The following CDKAL1 variants were observed in gnomAD, a reference collection of about 807,000 sequenced individuals.
CDKAL1 encodes CDKAL1 threonylcarbamoyladenosine tRNA methylthiotransferase.
CDKAL1 carries 32 observed loss-of-function variants against 68.2 expected under a neutral mutation model. That is an observed-to-expected ratio of 0.47 (90% CI 0.35 to 0.63). The LOEUF is 0.63. Among genes scored for constraint, CDKAL1 ranks in the 30% least tolerant of loss-of-function variants. The pLI is 0.00. For missense variants in CDKAL1, 606 were observed against 696.7 expected (o/e 0.87, Z 1.47); for synonymous variants, 234 against 244.3 (o/e 0.96, Z 0.39).
At chr6:20,986,798 A>G (rs1048790555) in intron 10 of CDKAL1, among the ~76,000 whole-genome samples, 1 of 152,210 alleles carries the variant, frequency 6.6e-6, no homozygotes, top group Non-Finnish European at 1.5e-5. Flanking sequence ...TATTTTATAA[A>G]ATATGCAGCC....
At chr6:20,752,193 A>G (rs1426307938) in intron 6 of CDKAL1, among the ~76,000 whole-genome samples, 1 of 151,872 alleles carries the variant, frequency 6.6e-6, no homozygotes, top group Non-Finnish European at 1.5e-5. Context: ...TATTATCTTT[A>G]AATCATTTAA....
intron 9 of CDKAL1, among the ~76,000 whole-genome samples, chr6:20,937,587 A>G (rs141430929): frequency 1.1e-4 from 16 of 152,182 alleles, no homozygotes; most frequent in African/African-American, 3.1e-4. Context: ...TTCACTTCCA[A>G]TCTGGGCCAG....
chr6:20,714,826 C>T (rs1486154983), intron 5 of CDKAL1, among the ~76,000 whole-genome samples: 1 of 152,146 alleles, frequency 6.6e-6, no homozygotes, highest in Non-Finnish European at 1.5e-5. Flanking sequence ...AGTATAACCT[C>T]TACATCTGAA....
intron 8 of CDKAL1, among the ~76,000 whole-genome samples, chr6:20,815,784 T>C (rs916464233): frequency 3.3e-5 from 5 of 152,320 alleles, no homozygotes; most frequent in South Asian, 4.1e-4. Context: ...ACTTCTGGTA[T>C]GTTGGTATGC....
At chr6:20,626,420 C>T (rs13437429) in intron 4 of CDKAL1, among the ~76,000 whole-genome samples, 28,947 of 151,938 alleles carry the variant, frequency 0.19, 2,873 homozygotes, top group East Asian at 0.37. Flanking sequence ...TCCAGAGAGG[C>T]TAAGTGAAGT....
chr6:20,774,990 A>G (rs6936300), intron 7 of CDKAL1, among the ~76,000 whole-genome samples: 67,918 of 152,012 alleles, frequency 0.45, 15,399 homozygotes, highest in South Asian at 0.5. Context: ...CCACTGAGAC[A>G]TATTTGACCA....
At chr6:21,043,593 C>G (rs1011051050) in intron 11 of CDKAL1, among the ~76,000 whole-genome samples, 1 of 152,232 alleles carries the variant, frequency 6.6e-6, no homozygotes. Context: ...TCATTTGTCT[C>G]TGCACTTTTA....
At chr6:20,832,481 A>C (rs1170623957) in intron 8 of CDKAL1, among the ~76,000 whole-genome samples, 6 of 151,900 alleles carry the variant, frequency 3.9e-5, no homozygotes, top group South Asian at 2.1e-4. Flanking sequence ...TTAAAAAAAA[A>C]AAAAAACAAA....
chr6:20,696,075 A>T (rs1027293745), intron 5 of CDKAL1, among the ~76,000 whole-genome samples: 1 of 152,188 alleles, frequency 6.6e-6, no homozygotes, highest in Non-Finnish European at 1.5e-5. Flanking sequence ...CCATTGCCAC[A>T]TTTCTTGAAT....
intron 4 of CDKAL1, among the ~76,000 whole-genome samples, chr6:20,628,835 T>G (rs997273698): frequency 5.3e-5 from 8 of 152,194 alleles, no homozygotes; most frequent in Non-Finnish European, 1.0e-4. Flanking sequence ...ACAGAAATGT[T>G]GTTAAGAATA....
intron 10 of CDKAL1, among the ~76,000 whole-genome samples, chr6:20,965,320 A>AGG (rs1554148461): frequency 1.9e-5 from 2 of 104,394 alleles, no homozygotes; most frequent in Admixed American, 1.2e-4. Flanking sequence ...AGAAGAGAAG[A>AGG]GGAGGGGAGG....
intron 5 of CDKAL1, among the ~76,000 whole-genome samples, chr6:20,693,756 A>G (rs1157915778): frequency 2.0e-5 from 3 of 152,216 alleles, no homozygotes; most frequent in East Asian, 3.8e-4. Context: ...AAAAGCTTTC[A>G]TAAGACCTGG....
At chr6:20,536,388 C>A (rs1401138550) in intron 2 of CDKAL1, among the ~76,000 whole-genome samples, 1 of 151,910 alleles carries the variant, frequency 6.6e-6, no homozygotes, top group African/African-American at 2.4e-5. Flanking sequence ...AAATTTAGGT[C>A]TATGATCCAT....
At chr6:21,156,922 G>C (rs1209758422) in intron 13 of CDKAL1, among the ~76,000 whole-genome samples, 1 of 152,154 alleles carries the variant, frequency 6.6e-6, no homozygotes, top group African/African-American at 2.4e-5. Context: ...CCAAGGAGAA[G>C]GGTCTGCTCT....
chr6:21,101,147 T>C (rs1157676239), intron 12 of CDKAL1, among the ~76,000 whole-genome samples: 2 of 152,134 alleles, frequency 1.3e-5, no homozygotes, highest in South Asian at 2.1e-4. Flanking sequence ...GAGATTAAAA[T>C]GACTGATAGA....
At chr6:20,645,944 G>T (rs1407171103) in intron 4 of CDKAL1, among the ~76,000 whole-genome samples, 1 of 151,550 alleles carries the variant, frequency 6.6e-6, no homozygotes, top group Non-Finnish European at 1.5e-5. Flanking sequence ...ATCTTCAGGG[G>T]CAATAACATG....
intron 12 of CDKAL1, among the ~76,000 whole-genome samples, chr6:21,089,835 T>C (rs1407730544): frequency 6.6e-6 from 1 of 152,248 alleles, no homozygotes; most frequent in Admixed American, 6.5e-5. Context: ...AAGTAAGCCA[T>C]AAATATTAAT....
chr6:21,086,711 C>T (rs538186967), intron 12 of CDKAL1, among the ~76,000 whole-genome samples: 50 of 152,262 alleles, frequency 3.3e-4, no homozygotes, highest in African/African-American at 9.1e-4. Context: ...TGTTTCCCCC[C>T]GACTGCCCAA....
At chr6:20,776,191 G>A (rs952950731) in intron 7 of CDKAL1, among the ~76,000 whole-genome samples, 2 of 152,200 alleles carry the variant, frequency 1.3e-5, no homozygotes, top group African/African-American at 4.8e-5. Context: ...AATGAAATTT[G>A]TCTCATGCAA....
Sources: allele counts gnomAD v4.1 joint callset (sites outside exome capture counted in the v4.1 genomes callset), GRCh38; gene constraint gnomAD v4.1.1; transcripts MANE v1.5; gene names NCBI Gene and HGNC (gene_info 2026-07-23, HGNC 2026-07-21).